The following NDUFS1 variants were observed in gnomAD, a reference collection of about 807,000 sequenced individuals.
NDUFS1 encodes the protein NADH:ubiquinone oxidoreductase core subunit S1.
A neutral mutation model predicts 84.4 loss-of-function variants in NDUFS1; 61 were observed. The observed-to-expected ratio is 0.72, with a 90% CI of 0.59 to 0.89. The LOEUF is 0.89. NDUFS1 is among the 40% of genes least tolerant of loss of function. NDUFS1 has a pLI of 0.00. For missense variants in NDUFS1, 891 were observed against 890.0 expected (o/e 1.00, Z -0.01); for synonymous variants, 275 against 290.0 (o/e 0.95, Z 0.53).
At position 206,120,449 on chromosome 2, in the gene NDUFS1, A is replaced by G. The variant is rs1393467687; in HGVS notation, c.*3736T>C. The stretch of plus-strand genomic sequence containing the variant: ...TGCTGATAGACATATGGTGAAGTCC[A>G]GAGTGATGAGGTCTCAGATGGAAAT... On this transcript the variant is annotated 3_prime_UTR_variant, in exon 19 of 19. Coordinates refer to ENST00000233190, the MANE Select transcript of NDUFS1 (RefSeq NM_005006.7). 2 of 152,236 alleles carry G rather than the reference A, an allele frequency of 1.3e-5. No homozygotes were observed. The highest frequency in any genetic ancestry group is 4.8e-5 in the African/African-American group (2 of 41,470). The allele number at this position is 152,236 out of a possible 1,614,324, so 9.4% of individuals were successfully genotyped here.
At chr2:206,134,428 G>A (rs891722456) in intron 13 of NDUFS1, among the ~76,000 whole-genome samples, 3 of 152,080 alleles carry the variant, frequency 2.0e-5, no homozygotes, top group African/African-American at 7.2e-5. Context: ...GAGCCCACAG[G>A]TTCAAGTACA....
chr2:206,155,323 G>C (rs1687607356), intron 1 of NDUFS1, among the ~76,000 whole-genome samples: 1 of 151,976 alleles, frequency 6.6e-6, no homozygotes, highest in African/African-American at 2.4e-5. Flanking sequence ...CATCGTGTTA[G>C]CCATGATGGT....
chr2:206,141,939 A>G lies in NDUFS1; in HGVS notation c.1262+2T>C, dbSNP rs1559054987. 1 of 1,610,490 alleles carries G rather than the reference A, an allele frequency of 6.2e-7. No individual in the cohort carries two copies. The highest frequency in any genetic ancestry group is 8.5e-7 in the Non-Finnish European group (1 of 1,176,978). The stretch of plus-strand genomic sequence containing the variant: ...AAACCTTGAATAAATACTATTACCA[A>G]CCTCTTTCGAATTCTAGCATTAAAC... On this transcript the variant is annotated splice_donor_variant, in intron 12 of 18. Transcript: ENST00000233190. LOFTEE classifies it high-confidence loss of function.
intron 12 of NDUFS1, among the ~76,000 whole-genome samples, chr2:206,140,022 G>A (rs949615430): frequency 2.6e-5 from 4 of 151,542 alleles, no homozygotes; most frequent in East Asian, 1.9e-4. Context: ...AAATATAAAC[G>A]TAGGCTTATG....
In NDUFS1 at chr2:206,122,640, A is replaced by AAAAAAAGAAAAAAAT; in HGVS notation, c.*1544_*1545insATTTTTTTCTTTTTT. 6.6e-6 allele frequency: 1 copy of AAAAAAAGAAAAAAAT among 151,432 alleles called. No homozygotes were observed. The highest frequency in any genetic ancestry group is 3.4e-3 in the Middle Eastern group (1 of 294). The allele number at this position is 151,432 out of a possible 1,614,324, so 9.4% of individuals were successfully genotyped here. A position where few individuals can be genotyped will look rare whatever the true frequency, so the allele number is the denominator to read the frequency against. On this transcript the variant is annotated 3_prime_UTR_variant, in exon 19 of 19. Transcript: ENST00000233190. ...GTAAGACTCCATCTCAAAAAAAAAAAAAAAACAAAGGGAAAAAGGGCATCC... is the reference window on the plus strand; with the variant it reads ...GTAAGACTCCATCTCAAAAAAAAAAAAAAAAAGAAAAAAATAAAAACAAAGGGAAAAAGGGCATCC...
intron 2 of NDUFS1, among the ~76,000 whole-genome samples, 184 bp from the exon 3 acceptor site, chr2:206,152,694 T>TTTC (rs1192566773): frequency 2.0e-5 from 3 of 146,790 alleles, no homozygotes; most frequent in South Asian, 2.1e-4. Flanking sequence ...CTGAAACTTC[T>TTTC]TTCTTCTTCT....
intron 15 of NDUFS1, among the ~76,000 whole-genome samples, chr2:206,128,444 G>A (rs919250476): frequency 6.6e-6 from 1 of 151,266 alleles, no homozygotes; most frequent in African/African-American, 2.4e-5. Flanking sequence ...GGGATTACAG[G>A]CATGAGCCAC....
Position 206,116,045 on chromosome 2 carries a change from C to T in NDUFS1, c.*8140G>A. On this transcript the variant is annotated 3_prime_UTR_variant, in exon 19 of 19. Coordinates refer to ENST00000233190, the MANE Select transcript of NDUFS1 (RefSeq NM_005006.7). ...TTGCTATTCTAAGTCTTCTATCCACCACTAATTTAGGACAACTCTGCTGGG... is the reference window on the plus strand; with the variant it reads ...TTGCTATTCTAAGTCTTCTATCCACTACTAATTTAGGACAACTCTGCTGGG... 2 of 859,626 alleles carry T rather than the reference C, an allele frequency of 2.3e-6. No individual in the cohort carries two copies. Among genetic ancestry groups the T allele is most frequent in the Admixed American group, 3.4e-5 (2 of 58,744 alleles). 53.2% of individuals were successfully genotyped at this position (859,626 alleles called of 1,614,324 possible). A position where few individuals can be genotyped will look rare whatever the true frequency, so the allele number is the denominator to read the frequency against.
At chr2:206,143,559 T>C (rs1482081428) in intron 10 of NDUFS1, among the ~76,000 whole-genome samples, 1 of 151,886 alleles carries the variant, frequency 6.6e-6, no homozygotes, top group Non-Finnish European at 1.5e-5. Flanking sequence ...GATTCTTCTT[T>C]AAGAATCACC....
rs1177789453 is a variant in NDUFS1 at position 206,153,693 on chromosome 2, A to C, written c.-4-11T>G. On this transcript the variant is annotated splice_polypyrimidine_tract_variant and intron_variant, in intron 1 of 18. Coordinates refer to ENST00000233190, the MANE Select transcript of NDUFS1 (RefSeq NM_005006.7). ...ATCCTTAACATATTGCTAAAAATAA[A>C]ACAAAGAATTATATTATTGTAGGGA... 1.4e-6 allele frequency: 2 copies of C among 1,379,664 alleles called. No individual in the cohort carries two copies. Among genetic ancestry groups the C allele is most frequent in the Non-Finnish European group, 2.0e-6 (2 of 981,308 alleles). 85.5% of individuals were successfully genotyped at this position (1,379,664 alleles called of 1,614,324 possible). A position where few individuals can be genotyped will look rare whatever the true frequency, so the allele number is the denominator to read the frequency against.
At chr2:206,152,675 T>C (rs1156373769) in intron 2 of NDUFS1, among the ~76,000 whole-genome samples, 165 bp from the exon 3 acceptor site, 2 of 151,748 alleles carry the variant, frequency 1.3e-5, no homozygotes, top group Non-Finnish European at 2.9e-5. Context: ...GATAGCAGAG[T>C]AGTTTAAACT....
intron 1 of NDUFS1, among the ~76,000 whole-genome samples, chr2:206,156,879 A>G (rs1343896431): frequency 2.0e-5 from 3 of 152,246 alleles, no homozygotes; most frequent in African/African-American, 7.2e-5. Context: ...TACTTCCTAG[A>G]CAATGAGCTA....
chr2:206,153,901 T>G (rs959636922), intron 1 of NDUFS1, among the ~76,000 whole-genome samples: 2 of 152,174 alleles, frequency 1.3e-5, no homozygotes, highest in Admixed American at 1.3e-4. Flanking sequence ...TTGTATACAT[T>G]TGGACTTTCT....
intron 12 of NDUFS1, 45 bp from the exon 13 acceptor site, chr2:206,138,659 C>T (rs201775892): frequency 5.5e-5 from 88 of 1,591,316 alleles, no homozygotes; most frequent in Non-Finnish European, 6.9e-5. Flanking sequence ...CTAAGCTAAG[C>T]AGTTACTGGT....
At chr2:206,145,750 T>C (rs919831858) in intron 8 of NDUFS1, among the ~76,000 whole-genome samples, 7 of 152,166 alleles carry the variant, frequency 4.6e-5, no homozygotes, top group African/African-American at 1.4e-4. Flanking sequence ...CCCCTCAAAA[T>C]GGAATTTCTT....
At chr2:206,158,196 T>C (rs1687748782) in intron 1 of NDUFS1, among the ~76,000 whole-genome samples, 1 of 152,084 alleles carries the variant, frequency 6.6e-6, no homozygotes, top group South Asian at 2.1e-4. Context: ...TCTCCTGGCC[T>C]CGTGATCCGC....
At chr2:206,133,332 T>C (rs993865950) in intron 13 of NDUFS1, among the ~76,000 whole-genome samples, 13 of 152,162 alleles carry the variant, frequency 8.5e-5, no homozygotes, top group Admixed American at 2.6e-4. Context: ...CTAAAACACG[T>C]TTTCTAAAAG....
In NDUFS1 at chr2:206,115,750, G is replaced by A. The variant is rs1052190; in HGVS notation, c.*8435C>T. 226,858 of 395,024 alleles carry A rather than the reference G, an allele frequency of 0.57. 67,029 individuals carry two copies. The highest frequency in any genetic ancestry group is 0.78 in the African/African-American group (37,611 of 48,036). The allele number at this position is 395,024 out of a possible 1,614,324, so 24.5% of individuals were successfully genotyped here. On this transcript the variant is annotated 3_prime_UTR_variant, in exon 19 of 19. Coordinates refer to ENST00000233190, the MANE Select transcript of NDUFS1 (RefSeq NM_005006.7). ...AAGATCATTAAGTATTTCATCCCAA[G>A]TCCAGGTATGGACATACACAAGTTA...
rs374577188 is a variant in NDUFS1 at position 206,128,439 on chromosome 2, T to C, written c.1709-467A>G. Among the ~76,000 whole-genome samples the C allele has an allele frequency of 9.9e-5, 15 of 151,458 alleles. No individual in the cohort carries two copies. In the East Asian group the frequency reaches 2.0e-3, roughly 20 times the overall value. ...CCTCAGCCTCCCAAAGTGCTGGGAT[T>C]ACAGGCATGAGCCACCGCGCCCGGC... On this transcript the variant is annotated intron_variant, in intron 15 of 18. Coordinates refer to ENST00000233190, the MANE Select transcript of NDUFS1 (RefSeq NM_005006.7).
Sources: gnomAD v4.1 joint callset for allele counts (sites outside exome capture counted in the v4.1 genomes callset) on GRCh38, gnomAD v4.1.1 for gene constraint, MANE v1.5 for transcripts, NCBI Gene and HGNC (gene_info 2026-07-23, HGNC 2026-07-21) for gene names.